The following DBX2 variants were observed in gnomAD, a reference collection of about 807,000 sequenced individuals.
DBX2 encodes developing brain homeobox 2.
A neutral mutation model predicts 17.7 loss-of-function variants in DBX2; 16 were observed. The observed-to-expected ratio is 0.90, with a 90% confidence interval of 0.61 to 1.37. The LOEUF (loss-of-function observed/expected upper bound fraction) is 1.37. Ranked by LOEUF, DBX2 falls within the 40% of genes most tolerant of loss-of-function variation. DBX2 has a pLI of 0.00. For synonymous variants in DBX2, 255 were observed against 183.8 expected, an observed-to-expected ratio of 1.39 and a Z score of -3.13; for missense variants, 538 against 433.8, an observed-to-expected ratio of 1.24 and a Z score of -2.13.
chr12:45,029,868 A>G (rs1447560632), intron 2 of DBX2, among the ~76,000 whole-genome samples: 1 of 140,614 alleles, frequency 7.1e-6, no homozygotes, highest in East Asian at 2.1e-4. Flanking sequence ...CATCTTAAAA[A>G]AAAAATAATA....
At chr12:45,034,586 A>C (rs1946425406) in intron 2 of DBX2, among the ~76,000 whole-genome samples, 1 of 152,198 alleles carries the variant, frequency 6.6e-6, no homozygotes, top group Non-Finnish European at 1.5e-5. Flanking sequence ...AGTCCCGGTT[A>C]ATAAAGAATC....
At chr12:45,031,627 G>C (rs1237498479) in intron 2 of DBX2, among the ~76,000 whole-genome samples, 1 of 152,098 alleles carries the variant, frequency 6.6e-6, no homozygotes, top group Non-Finnish European at 1.5e-5. Context: ...TTAAGTTGCT[G>C]TATACCTCTT....
intron 2 of DBX2, among the ~76,000 whole-genome samples, chr12:45,026,129 C>T (rs1592752517): frequency 6.6e-6 from 1 of 152,212 alleles, no homozygotes; most frequent in Admixed American, 6.5e-5. Context: ...AAGGTAACCA[C>T]ACTGGGCTCA....
Position 45,050,817 on chromosome 12 carries a change from ACT to A in DBX2, c.109_110del (p.Ser37PhefsTer42), listed in dbSNP as rs779078501. On this transcript the variant is annotated frameshift_variant, in exon 1 of 4. Coordinates refer to ENST00000332700, the MANE Select transcript of DBX2 (RefSeq NM_001004329.3). LOFTEE classifies it high-confidence loss of function. The part of the protein sequence containing the change: ...AAPGFGNLGK[S>X]FLIENLLRVG... Reference sequence around the variant, plus strand: ...CCCGCAGCAAATTCTCGATCAGGAAACTCTTGCCCAGGTTGCCAAAGCCGGGC... The same window carrying A: ...CCCGCAGCAAATTCTCGATCAGGAAACTTGCCCAGGTTGCCAAAGCCGGGC... The A allele has an allele frequency of 2.3e-5, 35 of 1,536,970 alleles. 1 individual carries two copies. Among genetic ancestry groups the A allele is most frequent in the South Asian group, 4.9e-5 (4 of 81,766 alleles).
chr12:45,031,225 T>TGTGTGTGTGTGTGAGAGAGAGAGA (rs1377897653), intron 2 of DBX2, among the ~76,000 whole-genome samples: 2 of 85,624 alleles, frequency 2.3e-5, no homozygotes, highest in East Asian at 3.9e-4. Context: ...TGTGTGTGTG[T>TGTGTGTGTGTGTGAGAGAGAGAGA]GAGAGAGAGA....
chr12:45,051,097 G>T lies in DBX2; in HGVS notation c.-170C>A. ...CCCGGGACGGCGGCGGACTTGGAAC[G>T]ATATTATTTATTTGCGTTGGGCGTT... is the stretch of plus-strand genomic sequence containing the variant. On this transcript the variant is annotated 5_prime_UTR_variant, in exon 1 of 4. Transcript: ENST00000332700. 3 of 717,534 alleles carry T rather than the reference G, an allele frequency of 4.2e-6. No individual in the cohort carries two copies. Among genetic ancestry groups the T allele is most frequent in the Non-Finnish European group, 5.9e-6 (3 of 510,534 alleles). The allele number at this position is 717,534 out of a possible 1,614,324, so 44.4% of individuals were successfully genotyped here.
At chr12:45,039,751 A>G (rs566841207) in intron 1 of DBX2, among the ~76,000 whole-genome samples, 2 of 152,082 alleles carry the variant, frequency 1.3e-5, no homozygotes, top group Non-Finnish European at 2.9e-5. Context: ...GAAAAACAAT[A>G]AAGATTTAAC....
intron 2 of DBX2, among the ~76,000 whole-genome samples, chr12:45,026,589 A>T (rs2544101): frequency 0.63 from 96,387 of 152,054 alleles, 30,989 homozygotes; most frequent in South Asian, 0.84. Context: ...ACTGGCATAA[A>T]CTGATTTGTA....
intron 2 of DBX2, among the ~76,000 whole-genome samples, chr12:45,033,325 T>G (rs545621414): frequency 2.2e-4 from 34 of 152,364 alleles, no homozygotes; most frequent in Middle Eastern, 3.4e-3. Context: ...GTTATTAAAC[T>G]TTTTAATATA....
rs559593543 is a variant in DBX2 at position 45,048,425 on chromosome 12, T to C, written c.403+2100A>G. ...TTCCCGAAAACAAAGCTTCTCCAAC[T>C]CTTATGCTGTCCCCAGAACACCAAA... On this transcript the variant is annotated intron_variant, in intron 1 of 3. Transcript: ENST00000332700. Among the ~76,000 whole-genome samples, 4 of 152,300 alleles carry C rather than the reference T, an allele frequency of 2.6e-5. No individual in the cohort carries two copies. In the South Asian group the frequency reaches 8.3e-4, roughly 32 times the overall value.
chr12:45,033,181 TTAAA>T (rs562575640), intron 2 of DBX2, among the ~76,000 whole-genome samples: 313 of 152,300 alleles, frequency 2.1e-3, no homozygotes, highest in Middle Eastern at 0.014. Flanking sequence ...TAAATCAATA[TTAAA>T]TAAATGAATC....
chr12:45,033,521 G>A (rs147915603), intron 2 of DBX2, among the ~76,000 whole-genome samples: 3 of 152,224 alleles, frequency 2.0e-5, no homozygotes, highest in African/African-American at 7.2e-5. Flanking sequence ...TTGTACAGAT[G>A]TAAACCTTAT....
intron 2 of DBX2, among the ~76,000 whole-genome samples, chr12:45,028,650 T>C (rs1160126572): frequency 1.3e-5 from 2 of 152,168 alleles, no homozygotes; most frequent in Non-Finnish European, 2.9e-5. Flanking sequence ...ACATTAACAT[T>C]TGGGGCATCG....
intron 2 of DBX2, among the ~76,000 whole-genome samples, chr12:45,024,528 C>T (rs2643140): frequency 0.5 from 75,782 of 152,040 alleles, 19,585 homozygotes; most frequent in East Asian, 0.81. Flanking sequence ...TACAAAGCCC[C>T]GATACGGATT....
chr12:45,028,854 T>G (rs1946394747), intron 2 of DBX2, among the ~76,000 whole-genome samples: 1 of 152,208 alleles, frequency 6.6e-6, no homozygotes, highest in African/African-American at 2.4e-5. Flanking sequence ...TGGTTTCTCT[T>G]AGCACTGGTC....
chr12:45,049,465 C>T (rs1403328732), intron 1 of DBX2, among the ~76,000 whole-genome samples: 1 of 152,100 alleles, frequency 6.6e-6, no homozygotes, highest in Non-Finnish European at 1.5e-5. Context: ...TATATTTGTT[C>T]CATTCTGTTA....
chr12:45,022,673 T>C (rs1183642462), intron 3 of DBX2, among the ~76,000 whole-genome samples: 30 of 152,186 alleles, frequency 2.0e-4, no homozygotes, highest in Non-Finnish European at 1.3e-4. Context: ...CAGTAGAGCA[T>C]GGTGGTTTGA....
intron 2 of DBX2, among the ~76,000 whole-genome samples, chr12:45,025,873 C>G (rs1230692721): frequency 1.3e-5 from 2 of 149,908 alleles, no homozygotes; most frequent in African/African-American, 2.5e-5. Context: ...AGAGAAAGAA[C>G]CAAAGCCAAT....
intron 1 of DBX2, among the ~76,000 whole-genome samples, chr12:45,047,327 T>C (rs896205917): frequency 2.0e-5 from 3 of 152,158 alleles, no homozygotes; most frequent in African/African-American, 4.8e-5. Flanking sequence ...TAAACTATAA[T>C]ACAACCATGA....
Sources: allele counts gnomAD v4.1 joint callset (sites outside exome capture counted in the v4.1 genomes callset), GRCh38; gene constraint gnomAD v4.1.1; transcripts MANE v1.5; gene names NCBI Gene and HGNC (gene_info 2026-07-23, HGNC 2026-07-21).